Variants in RBM41 observed in about 807,000 individuals in gnomAD.
RBM41 encodes RNA binding motif protein 41.
RBM41 carries 14 observed loss-of-function variants against 30.8 expected under a neutral mutation model. That is an observed-to-expected ratio of 0.45 (90% CI 0.30 to 0.71). The LOEUF (loss-of-function observed/expected upper bound fraction) is 0.71. Among genes scored for constraint, RBM41 ranks in the 30% least tolerant of loss-of-function variants. The pLI, the probability that RBM41 is intolerant of heterozygous loss-of-function variation, is 0.08. For synonymous variants in RBM41, 120 were observed against 110.1 expected (o/e 1.09, Z -0.56); for missense variants, 276 against 326.3 (o/e 0.85, Z 1.19).
downstream of RBM41, among the ~76,000 whole-genome samples, chrX:107,059,894 A>C (rs930445814): frequency 1.8e-5 from 2 of 111,777 alleles, no homozygotes; most frequent in Non-Finnish European, 3.8e-5. Context: ...AAAAAATGAC[A>C]ACTCAACATC....
intron 5 of RBM41, among the ~76,000 whole-genome samples, chrX:107,105,857 A>T (rs1477728678): frequency 2.1e-4 from 24 of 111,922 alleles, no homozygotes; most frequent in Admixed American, 1.9e-3. Context: ...CACCTTATAC[A>T]AAAATTAATT....
At position 107,088,674 on chromosome X, in the gene RBM41, G is replaced by A; in HGVS notation, c.761C>T (p.Ala254Val). The change falls in exon 6 of 8, where the codon GCT (alanine) becomes GTT (valine). Residue 254 changes from alanine (A) to valine (V), a missense_variant. By Grantham distance (64) the Ala-to-Val change is moderately conservative. Transcript: ENST00000685964. Reference sequence around the variant, plus strand: ...GTCCTGGAGTAATGATGGGCTCTCAGCTGTGCCACTATCACCCACTGATGT... The same window carrying A: ...GTCCTGGAGTAATGATGGGCTCTCAACTGTGCCACTATCACCCACTGATGT... ...SATSVGDSGT[A>V]ESPSLLQDKG... 1 of 1,211,633 alleles carries A rather than the reference G, an allele frequency of 8.3e-7. No homozygotes were observed. The highest frequency in any genetic ancestry group is 1.1e-6 in the Non-Finnish European group (1 of 895,467).
At chrX:107,070,492 A>T (rs752231813) in intron 6 of RBM41, 4 of 257,427 alleles carry the variant, frequency 1.6e-5, no homozygotes, top group Admixed American at 1.0e-4. Context: ...ACCCAGCCAG[A>T]CCACTTTAAA....
At chrX:107,091,638 A>G (rs957876137) in intron 5 of RBM41, among the ~76,000 whole-genome samples, 4 of 112,058 alleles carry the variant, frequency 3.6e-5, no homozygotes, top group African/African-American at 1.3e-4. Flanking sequence ...CCCATAAATA[A>G]TAATTTTTAT....
rs1405281993 is a variant in RBM41 at position 107,064,271 on chromosome X, A to T, written c.*3256T>A. ...CCTGGTCTTTTTTCTTCTTAAGTAC[A>T]GGCATTTGTACCTATAGATTTCCCT... is the stretch of plus-strand genomic sequence containing the variant. On this transcript the variant is annotated 3_prime_UTR_variant, in exon 8 of 8. Transcript: ENST00000685964. 1 of 111,185 alleles carries T rather than the reference A, an allele frequency of 9.0e-6. No individual in the cohort carries two copies. Among genetic ancestry groups the T allele is most frequent in the South Asian group, 3.7e-4 (1 of 2,676 alleles). 9.2% of individuals were successfully genotyped at this position (111,185 alleles called of 1,213,427 possible).
At chrX:107,054,520 A>C in the RBM41 span, among the ~76,000 whole-genome samples, 1 of 111,875 alleles carries the variant, frequency 8.9e-6, no homozygotes, top group Non-Finnish European at 1.9e-5. Flanking sequence ...TCAGGTGCCC[A>C]TCTTACTAAA....
downstream of RBM41, among the ~76,000 whole-genome samples, chrX:107,058,852 A>T (rs926871978): frequency 3.6e-5 from 4 of 110,949 alleles, no homozygotes; most frequent in African/African-American, 9.9e-5. Context: ...AGACTACTGA[A>T]ATCTCCCTGT....
intron 5 of RBM41, among the ~76,000 whole-genome samples, chrX:107,092,839 T>C (rs990754950): frequency 1.8e-5 from 2 of 111,452 alleles, no homozygotes; most frequent in Non-Finnish European, 3.8e-5. Flanking sequence ...CAACATACAA[T>C]CCATCAATTC....
intron 5 of RBM41, among the ~76,000 whole-genome samples, chrX:107,091,523 A>C (rs1453247622): frequency 8.9e-6 from 1 of 111,877 alleles, no homozygotes; most frequent in African/African-American, 3.2e-5. Flanking sequence ...TTAAACTTTT[A>C]GATGATGCAA....
chrX:107,118,108 C>A (rs1311460079), intron 1 of RBM41, among the ~76,000 whole-genome samples: 1 of 110,599 alleles, frequency 9.0e-6, no homozygotes, highest in African/African-American at 3.3e-5. Flanking sequence ...TTAATTTAAG[C>A]CCGTCAATAG....
chrX:107,058,031 T>C (rs1220270428), downstream of RBM41, among the ~76,000 whole-genome samples: 4 of 111,148 alleles, frequency 3.6e-5, no homozygotes, highest in Non-Finnish European at 7.6e-5. Flanking sequence ...TGGTGGCTCA[T>C]GCCTGTAATC....
chrX:107,080,510 A>G, intron 6 of RBM41, among the ~76,000 whole-genome samples: 1 of 111,867 alleles, frequency 8.9e-6, no homozygotes, highest in East Asian at 2.8e-4. Flanking sequence ...CCAGGGAGGC[A>G]GAGGTTGCAG....
At position 107,062,280 on chromosome X, in the gene RBM41, C is replaced by T. The variant is rs1175888838; in HGVS notation, c.*5247G>A. ...AGTAGGATTCCATTGCATGGATATA[C>T]TACGGTTTATCTATGCACCAGTTGA... On this transcript the variant is annotated 3_prime_UTR_variant, in exon 8 of 8. Transcript: ENST00000685964. Among the ~76,000 whole-genome samples, 1 of 111,765 alleles carries T rather than the reference C, an allele frequency of 8.9e-6. No individual in the cohort carries two copies. Among genetic ancestry groups the T allele is most frequent in the Non-Finnish European group, 1.9e-5 (1 of 53,155 alleles).
intron 6 of RBM41, among the ~76,000 whole-genome samples, chrX:107,076,100 G>A (rs184565526): frequency 9.1e-6 from 1 of 110,293 alleles, no homozygotes; most frequent in Admixed American, 9.8e-5. Context: ...GGCAGATCAT[G>A]AGGTCAGGAG....
Position 107,062,928 on chromosome X carries a change from T to G in RBM41, c.*4599A>C, listed in dbSNP as rs1935692273. Reference sequence around the variant, plus strand: ...GGACATGAGTATAGGTCATAATATATTCATAGATACACTTCACTATTTTAA... The same window carrying G: ...GGACATGAGTATAGGTCATAATATAGTCATAGATACACTTCACTATTTTAA... On this transcript the variant is annotated 3_prime_UTR_variant, in exon 8 of 8. Transcript: ENST00000685964. 8.9e-6 allele frequency among the ~76,000 whole-genome samples: 1 copy of G among 112,072 alleles called. No homozygotes were observed. The highest frequency in any genetic ancestry group is 3.2e-5 in the African/African-American group (1 of 30,850).
At chrX:107,053,955 G>T in the RBM41 span, among the ~76,000 whole-genome samples, 2 of 111,293 alleles carry the variant, frequency 1.8e-5, no homozygotes, top group Non-Finnish European at 3.8e-5. Flanking sequence ...CAGTGAAGGT[G>T]GAGTTTCCCT....
chrX:107,109,123 G>A (rs1267194913), intron 5 of RBM41, among the ~76,000 whole-genome samples: 1 of 110,982 alleles, frequency 9.0e-6, no homozygotes, highest in Non-Finnish European at 1.9e-5. Flanking sequence ...GAGGCAAGAA[G>A]TTAATTAAAA....
At chrX:107,058,818 G>A (rs1450063589), downstream of RBM41, among the ~76,000 whole-genome samples, 3 of 111,234 alleles carry the variant, frequency 2.7e-5, no homozygotes, top group African/African-American at 9.8e-5. Flanking sequence ...GTCAGGTTCC[G>A]GTGAGGACCC....
intron 6 of RBM41, among the ~76,000 whole-genome samples, chrX:107,072,014 C>CA (rs1393948591): frequency 1.3e-4 from 14 of 111,093 alleles, no homozygotes; most frequent in Non-Finnish European, 2.6e-4. Context: ...TCAACAACAA[C>CA]AAAAAATTAG....
Sources: allele counts gnomAD v4.1 joint callset (sites outside exome capture counted in the v4.1 genomes callset), GRCh38; gene constraint gnomAD v4.1.1; transcripts MANE v1.5; gene names NCBI Gene and HGNC (gene_info 2026-07-23, HGNC 2026-07-21).